Variants in PIEZO2 observed in about 807,000 individuals in gnomAD.
PIEZO2 encodes the protein piezo-type mechanosensitive ion channel component 2.
PIEZO2 carries 172 observed loss-of-function variants against 337.3 expected under a neutral mutation model. The observed-to-expected ratio is 0.51, with a 90% CI of 0.45 to 0.58. The LOEUF is 0.58. Ranked by LOEUF, PIEZO2 falls within the 20% of genes least tolerant of loss-of-function variation. The pLI is 0.00. For missense variants in PIEZO2, 3,028 were observed against 3,391.3 expected, an observed-to-expected ratio of 0.89 and a Z score of 2.66; for synonymous variants, 1,251 against 1,228.5, an observed-to-expected ratio of 1.02 and a Z score of -0.38.
chr18:10,968,567 G>T (rs2034109423), intron 3 of PIEZO2, among the ~76,000 whole-genome samples: 1 of 151,028 alleles, frequency 6.6e-6, no homozygotes, highest in Non-Finnish European at 1.5e-5. Flanking sequence ...ACAATAGTTT[G>T]GGGTTCTTCA....
chr18:10,842,462 G>A (rs993600305), intron 7 of PIEZO2, among the ~76,000 whole-genome samples: 1 of 152,164 alleles, frequency 6.6e-6, no homozygotes, highest in African/African-American at 2.4e-5. Flanking sequence ...CTTGCCTCGA[G>A]AGCCAGTTGT....
intron 4 of PIEZO2, among the ~76,000 whole-genome samples, chr18:10,881,175 C>G (rs536506321): frequency 1.3e-5 from 2 of 151,872 alleles, no homozygotes; most frequent in Non-Finnish European, 2.9e-5. Context: ...ACGCAGATAT[C>G]TAATTACCTT....
chr18:10,705,754 G>C lies in PIEZO2; in HGVS notation c.5589-8C>G, dbSNP rs1415943867. On this transcript the variant is annotated splice_polypyrimidine_tract_variant and splice_region_variant and intron_variant, in intron 40 of 55. Coordinates refer to ENST00000674853, the MANE Select transcript of PIEZO2 (RefSeq NM_001378183.1). ...GTACACTGCGTGGGCTCGCTGTTGG[G>C]AGAAAGCGTGGGCACAGAGCCCATG... is the stretch of plus-strand genomic sequence containing the variant. 3 of 1,511,766 alleles carry C rather than the reference G, an allele frequency of 2.0e-6. No individual in the cohort carries two copies. Among genetic ancestry groups the C allele is most frequent in the African/African-American group, 2.8e-5 (2 of 72,414 alleles). 93.6% of individuals were successfully genotyped at this position (1,511,766 alleles called of 1,614,324 possible).
intron 7 of PIEZO2, 122 bp from the exon 8 acceptor site, chr18:10,807,396 T>C: frequency 1.2e-6 from 1 of 842,854 alleles, no homozygotes; most frequent in Non-Finnish European, 1.8e-6. Context: ...CGTTCTATTG[T>C]AGATATTTCA....
chr18:10,745,095 G>A (rs1234004359), intron 30 of PIEZO2, among the ~76,000 whole-genome samples: 1 of 152,154 alleles, frequency 6.6e-6, no homozygotes, highest in African/African-American at 2.4e-5. Context: ...GCTTCCCAGA[G>A]GGAACACAAA....
In PIEZO2 at chr18:10,853,219, C is replaced by A. The variant is rs535899448; in HGVS notation, c.917+2134G>T. 2.0e-5 allele frequency among the ~76,000 whole-genome samples: 3 copies of A among 152,322 alleles called. No homozygotes were observed. Among genetic ancestry groups the A allele is most frequent in the Non-Finnish European group, 4.4e-5 (3 of 68,034 alleles). ...GCTGGCAGGCCACTGTGCATGCAGACAGCCCACCCCCAGGGAAGAATCAGG... is the reference window on the plus strand; with the variant it reads ...GCTGGCAGGCCACTGTGCATGCAGAAAGCCCACCCCCAGGGAAGAATCAGG... On this transcript the variant is annotated intron_variant, in intron 7 of 55. Transcript: ENST00000674853. The surrounding 1 kb of genome is among the most constrained non-coding windows in gnomAD (Gnocchi z 4.2).
In PIEZO2 at chr18:11,009,067, C is replaced by T. The variant is rs2035809834; in HGVS notation, c.161-29407G>A. Reference sequence around the variant, plus strand: ...TTGAAGATTGAATTCTGTTACTTAACTACGTACGTGATTGTGTTCAAATCC... The same window carrying T: ...TTGAAGATTGAATTCTGTTACTTAATTACGTACGTGATTGTGTTCAAATCC... On this transcript the variant is annotated intron_variant, in intron 2 of 55. Coordinates refer to ENST00000674853, the MANE Select transcript of PIEZO2 (RefSeq NM_001378183.1). The surrounding 1 kb of genome is among the most constrained non-coding windows in gnomAD (Gnocchi z 4.6). 6.6e-6 allele frequency among the ~76,000 whole-genome samples: 1 copy of T among 152,190 alleles called. No homozygotes were observed. The highest frequency in any genetic ancestry group is 2.1e-4 in the South Asian group (1 of 4,830).
Position 10,943,776 on chromosome 18 carries a change from CT to C in PIEZO2, c.287-32549del, listed in dbSNP as rs1212973847. On this transcript the variant is annotated intron_variant, in intron 3 of 55. Coordinates refer to ENST00000674853, the MANE Select transcript of PIEZO2 (RefSeq NM_001378183.1). The surrounding 1 kb of genome is among the most constrained non-coding windows in gnomAD (Gnocchi z 4.5). ...AGGGGCAGAATGACATGGTTTAGTT[CT>C]GTGTCTCCATACAGAGATATGTGAG... is the stretch of plus-strand genomic sequence containing the variant. 2.0e-5 allele frequency among the ~76,000 whole-genome samples: 3 copies of C among 152,126 alleles called. No individual in the cohort carries two copies. Among genetic ancestry groups the C allele is most frequent in the African/African-American group, 7.2e-5 (3 of 41,412 alleles).
At position 11,102,770 on chromosome 18, in the gene PIEZO2, C is replaced by T. The variant is rs1026563451; in HGVS notation, c.65-36548G>A. Among the ~76,000 whole-genome samples the T allele has an allele frequency of 6.6e-6, 1 of 152,176 alleles. No homozygotes were observed. Among genetic ancestry groups the T allele is most frequent in the Non-Finnish European group, 1.5e-5 (1 of 68,042 alleles). ...ACCCTGCAGCCTCAATGTTGGGGTT[C>T]CTGGCCTTCTGGACAGTCTGCTTGG... On this transcript the variant is annotated intron_variant, in intron 1 of 55. Transcript: ENST00000674853. This position sits in a 1 kb window ranked among gnomAD's most constrained non-coding sequence, Gnocchi z 5.7.
rs543972087 is a variant in PIEZO2 at position 10,685,653 on chromosome 18, C to T, written c.7498-3361G>A. On this transcript the variant is annotated intron_variant, in intron 49 of 55. Coordinates refer to ENST00000674853, the MANE Select transcript of PIEZO2 (RefSeq NM_001378183.1). ...TGCCGCTTCTTCCAACAAACACGGTCTTGCATCCGTGCAGATGGTCACACT... is the reference window on the plus strand; with the variant it reads ...TGCCGCTTCTTCCAACAAACACGGTTTTGCATCCGTGCAGATGGTCACACT... 4.6e-5 allele frequency among the ~76,000 whole-genome samples: 7 copies of T among 152,322 alleles called. No homozygotes were observed. In the South Asian group the frequency reaches 1.4e-3, roughly 32 times the overall value.
At chr18:11,024,547 G>GAAAAAAAAAAAA (rs569472740) in intron 2 of PIEZO2, among the ~76,000 whole-genome samples, 3 of 104,050 alleles carry the variant, frequency 2.9e-5, no homozygotes, top group Admixed American at 1.1e-4. Context: ...CTCTGTCTCA[G>GAAAAAAAAAAAA]AAAAAAAAAA....
At chr18:10,722,000 A>C (rs1224987850) in intron 36 of PIEZO2, among the ~76,000 whole-genome samples, 1 of 152,090 alleles carries the variant, frequency 6.6e-6, no homozygotes, top group African/African-American at 2.4e-5. Flanking sequence ...CGAAAATACA[A>C]AAAATTAGCC....
rs1432615115 is a variant in PIEZO2 at position 11,021,699 on chromosome 18, C to T, written c.161-42039G>A. Among the ~76,000 whole-genome samples, 1 of 152,192 alleles carries T rather than the reference C, an allele frequency of 6.6e-6. No homozygotes were observed. Among genetic ancestry groups the T allele is most frequent in the Non-Finnish European group, 1.5e-5 (1 of 68,036 alleles). ...ACTGATGGAATGAATGAGAAAACCA[C>T]GTCCCTCCCACCCATGCCTTCACAA... On this transcript the variant is annotated intron_variant, in intron 2 of 55. Transcript: ENST00000674853. The surrounding 1 kb of genome is among the most constrained non-coding windows in gnomAD (Gnocchi z 4.7).
Position 10,791,332 on chromosome 18 carries a change from T to A in PIEZO2, c.1759-8A>T. 2 of 1,483,848 alleles carry A rather than the reference T, an allele frequency of 1.3e-6. No homozygotes were observed. Among genetic ancestry groups the A allele is most frequent in the Non-Finnish European group, 1.8e-6 (2 of 1,121,340 alleles). The allele number at this position is 1,483,848 out of a possible 1,614,324, so 91.9% of individuals were successfully genotyped here. A position where few individuals can be genotyped will look rare whatever the true frequency, so the allele number is the denominator to read the frequency against. ...AGTAATGGTGAAAAGGATCTGAAAG[T>A]AGAGAAGCAGCAAAACAAGAATTAA... On this transcript the variant is annotated splice_region_variant and splice_polypyrimidine_tract_variant and intron_variant, in intron 13 of 55. Transcript: ENST00000674853.
rs144159846 is a variant in PIEZO2, at chr18:11,051,345, ATGTGTG to A, written c.160+14776_160+14781del. Reference sequence around the variant, plus strand: ...CCTTAGACAGCAACCATCACTTAGGATGTGTGTGTGTGTGTGTGTGTGTGGGTGTGG... The same window carrying A: ...CCTTAGACAGCAACCATCACTTAGGATGTGTGTGTGTGTGTGTGGGTGTGG... On this transcript the variant is annotated intron_variant, in intron 2 of 55. Transcript: ENST00000674853. 4.1e-5 allele frequency among the ~76,000 whole-genome samples: 6 copies of A among 146,876 alleles called. No individual in the cohort carries two copies. The East Asian group carries it at 1.2e-3, about 29-fold the overall frequency.
chr18:10,765,138 T>G (rs953264117), intron 21 of PIEZO2, among the ~76,000 whole-genome samples: 1 of 152,104 alleles, frequency 6.6e-6, no homozygotes, highest in African/African-American at 2.4e-5. Flanking sequence ...GCAGGAGGCA[T>G]GTGGGAGGGA....
chr18:11,091,309 G>A (rs55934786), intron 1 of PIEZO2, among the ~76,000 whole-genome samples: 5,321 of 150,908 alleles, frequency 0.035, 225 homozygotes, highest in African/African-American at 0.095. Context: ...ACTTGACCCC[G>A]GGAGGCGGAG....
intron 8 of PIEZO2, among the ~76,000 whole-genome samples, chr18:10,804,874 C>T (rs2039946871): frequency 6.6e-6 from 1 of 152,194 alleles, no homozygotes; most frequent in Non-Finnish European, 1.5e-5. Context: ...TGCAACAGGC[C>T]TTCCGTCCCA....
chr18:10,903,640 T>C lies in PIEZO2; in HGVS notation c.329+7546A>G, dbSNP rs2043105126. On this transcript the variant is annotated intron_variant, in intron 4 of 55. Coordinates refer to ENST00000674853, the MANE Select transcript of PIEZO2 (RefSeq NM_001378183.1). The surrounding 1 kb of genome is among the most constrained non-coding windows in gnomAD (Gnocchi z 4.1). Reference sequence around the variant, plus strand: ...GTGAGCCGAGATCACACCACTGCACTCCAGCCTGGGCGACAGAGCAAGACT... The same window carrying C: ...GTGAGCCGAGATCACACCACTGCACCCCAGCCTGGGCGACAGAGCAAGACT... 6.6e-6 allele frequency among the ~76,000 whole-genome samples: 1 copy of C among 151,690 alleles called. No homozygotes were observed. Among genetic ancestry groups the C allele is most frequent in the Non-Finnish European group, 1.5e-5 (1 of 67,938 alleles).
Sources: allele counts gnomAD v4.1 joint callset (sites outside exome capture counted in the v4.1 genomes callset), GRCh38; gene constraint gnomAD v4.1.1; non-coding constraint Gnocchi (gnomAD v3.1); transcripts MANE v1.5; gene names NCBI Gene and HGNC (gene_info 2026-07-23, HGNC 2026-07-21).